The following RELN variants were observed in gnomAD, a reference collection of about 807,000 sequenced individuals.
RELN encodes the protein reelin.
Under a neutral mutation model 427.6 loss-of-function variants are expected in RELN, and 108 were observed. The observed-to-expected ratio is 0.25, with a 90% CI of 0.22 to 0.30. The LOEUF is 0.30. RELN is among the 10% of genes least tolerant of loss of function. RELN has a pLI of 1.00. For missense variants in RELN, 3,715 were observed against 4,302.8 expected, an observed-to-expected ratio of 0.86 and a Z score of 3.82; for synonymous variants, 1,524 against 1,513.4, an observed-to-expected ratio of 1.01 and a Z score of -0.16.
intron 5 of RELN, 104 bp from the exon 6 acceptor site, chr7:103,749,608 A>G (rs1790942904): frequency 9.3e-6 from 8 of 856,572 alleles, no homozygotes; most frequent in Non-Finnish European, 1.6e-5. Context: ...ATGTATCCTA[A>G]AACTAAATTT....
chr7:103,903,270 A>G (rs1350785059), intron 2 of RELN, among the ~76,000 whole-genome samples: 1 of 147,020 alleles, frequency 6.8e-6, no homozygotes, highest in African/African-American at 2.5e-5. Flanking sequence ...CATGATTCCT[A>G]AGTGTTTTTT....
intron 1 of RELN, among the ~76,000 whole-genome samples, chr7:103,923,960 T>G (rs1239222747): frequency 6.6e-6 from 1 of 152,176 alleles, no homozygotes; most frequent in African/African-American, 2.4e-5. Context: ...ATAATTACTA[T>G]AATTATACCC....
At chr7:103,511,756 GC>G (rs1469672860) in intron 50 of RELN, among the ~76,000 whole-genome samples, 1 of 152,094 alleles carries the variant, frequency 6.6e-6, no homozygotes, top group East Asian at 1.9e-4. Context: ...TACTTAGGAG[GC>G]TGCTTGAGTC....
At chr7:103,673,658 CA>C (rs756729064) in intron 11 of RELN, among the ~76,000 whole-genome samples, 2 of 152,054 alleles carry the variant, frequency 1.3e-5, no homozygotes, top group African/African-American at 2.4e-5. Context: ...GTGTCTATAA[CA>C]GTTTTTGTTT....
At chr7:103,479,008 C>A (rs80082147) in intron 63 of RELN, among the ~76,000 whole-genome samples, 2,280 of 152,216 alleles carry the variant, frequency 0.015, 69 homozygotes, top group African/African-American at 0.053. Context: ...ATAAGGTTTG[C>A]AGTTCTCCGT....
intron 1 of RELN, among the ~76,000 whole-genome samples, chr7:103,918,229 T>C (rs193102195): frequency 4.9e-4 from 75 of 152,242 alleles, no homozygotes; most frequent in African/African-American, 1.7e-3. Flanking sequence ...GCATGGGGGA[T>C]TGGAACAAAC....
At chr7:103,910,308 T>C (rs987260443) in intron 2 of RELN, among the ~76,000 whole-genome samples, 25 of 146,226 alleles carry the variant, frequency 1.7e-4, no homozygotes, top group Non-Finnish European at 3.3e-4. Context: ...TAAGGAGATT[T>C]TGGGCTGAGA....
chr7:103,491,381 T>G (rs1164599844), intron 58 of RELN, among the ~76,000 whole-genome samples: 1 of 152,160 alleles, frequency 6.6e-6, no homozygotes, highest in East Asian at 1.9e-4. Context: ...TTGCTTATTT[T>G]GATAAAATTT....
At chr7:103,639,157 AC>A (rs932315475) in intron 17 of RELN, among the ~76,000 whole-genome samples, 2 of 152,130 alleles carry the variant, frequency 1.3e-5, no homozygotes, top group East Asian at 3.9e-4. Flanking sequence ...AGATCTACTG[AC>A]CAGTGTTTTG....
At chr7:103,733,830 A>G (rs1472859292) in intron 6 of RELN, among the ~76,000 whole-genome samples, 9 of 151,666 alleles carry the variant, frequency 5.9e-5, no homozygotes, top group Middle Eastern at 3.4e-3. Context: ...TGGGAGATAT[A>G]CCTAATGCTA....
At chr7:103,868,928 CT>C (rs1374700772) in intron 2 of RELN, among the ~76,000 whole-genome samples, 2 of 151,784 alleles carry the variant, frequency 1.3e-5, no homozygotes, top group South Asian at 2.1e-4. Context: ...AATCTATTTG[CT>C]TTTTTTCTAA....
At chr7:103,777,037 C>T (rs1251326976) in intron 3 of RELN, among the ~76,000 whole-genome samples, 2 of 152,044 alleles carry the variant, frequency 1.3e-5, no homozygotes, top group African/African-American at 2.4e-5. Context: ...TCAATAGTCA[C>T]CGTAACTTAT....
At chr7:103,792,282 G>A (rs1384505203) in intron 3 of RELN, among the ~76,000 whole-genome samples, 1 of 152,084 alleles carries the variant, frequency 6.6e-6, no homozygotes, top group Non-Finnish European at 1.5e-5. Context: ...GTTCTCAGAA[G>A]CATTATTAAT....
In RELN at chr7:103,472,677, G is replaced by C. The variant is rs1015535811; in HGVS notation, c.*135C>G. On this transcript the variant is annotated 3_prime_UTR_variant, in exon 65 of 65. Coordinates refer to ENST00000428762, the MANE Select transcript of RELN (RefSeq NM_005045.4). ...CAGTGTGGGAAAGTGGTGTACACTC[G>C]GTCTTGAGAAGGGCTTTCAGGTAAT... 3 of 716,432 alleles carry C rather than the reference G, an allele frequency of 4.2e-6. No individual in the cohort carries two copies. The highest frequency in any genetic ancestry group is 1.8e-5 in the African/African-American group (1 of 56,840). The allele number at this position is 716,432 out of a possible 1,614,324, so 44.4% of individuals were successfully genotyped here.
In RELN at chr7:103,489,820, C is replaced by G. The variant is rs1159507996; in HGVS notation, c.9685G>C (p.Glu3229Gln). 5 of 1,614,080 alleles carry G rather than the reference C, an allele frequency of 3.1e-6. No individual in the cohort carries two copies. Among genetic ancestry groups the G allele is most frequent in the Non-Finnish European group, 4.2e-6 (5 of 1,180,046 alleles). Residue 3229 changes from glutamate to glutamine, a missense_variant, in exon 60 of 65, where the codon GAG becomes CAG. Physicochemically the swap from Glu to Gln is conservative, Grantham distance 29. Coordinates refer to ENST00000428762, the MANE Select transcript of RELN (RefSeq NM_005045.4). ...SWAIDHVYIG[E>Q]ACPKLCSGHG... ...CCGCTGCAGAGCTTGGGGCAAGCCT[C>G]TCCAATGTACACGTGGTCAATTGCC...
At chr7:103,879,339 C>G (rs1458668595) in intron 2 of RELN, among the ~76,000 whole-genome samples, 3 of 152,170 alleles carry the variant, frequency 2.0e-5, no homozygotes, top group African/African-American at 7.2e-5. Flanking sequence ...CTACTGTTCC[C>G]TCCTCTTATG....
intron 8 of RELN, among the ~76,000 whole-genome samples, chr7:103,721,248 ATC>A (rs4006770): frequency 0.57 from 82,654 of 144,794 alleles, 23,495 homozygotes; most frequent in African/African-American, 0.7. Flanking sequence ...TCTCCTTGCC[ATC>A]TCTCTCTCTC....
At chr7:103,561,753 C>T in intron 35 of RELN, 44 bp from the exon 36 acceptor site, 1 of 1,613,604 alleles carries the variant, frequency 6.2e-7, no homozygotes, top group South Asian at 1.1e-5. Context: ...GTCACACGTT[C>T]AACAAGCCAT....
At chr7:103,650,697 C>T (rs1832897785) in intron 15 of RELN, among the ~76,000 whole-genome samples, 1 of 152,138 alleles carries the variant, frequency 6.6e-6, no homozygotes. Context: ...ACAATCATAG[C>T]TCACTGCAGC....
Sources: gnomAD v4.1 joint callset for allele counts (sites outside exome capture counted in the v4.1 genomes callset) on GRCh38, gnomAD v4.1.1 for gene constraint, MANE v1.5 for transcripts, NCBI Gene and HGNC (gene_info 2026-07-23, HGNC 2026-07-21) for gene names.